Variants in MLLT3 observed in about 807,000 individuals in gnomAD.
MLLT3 encodes the protein protein AF-9.
Under a neutral mutation model 53.2 loss-of-function variants are expected in MLLT3, and 4 were observed. The ratio of observed to expected loss-of-function variants is 0.08; its 90% CI spans 0.04 to 0.17. The LOEUF (loss-of-function observed/expected upper bound fraction) is 0.17. Among genes scored for constraint, MLLT3 ranks in the 10% least tolerant of loss-of-function variants. The pLI is 1.00. For synonymous variants in MLLT3, 283 were observed against 230.6 expected (o/e 1.23, Z -2.06); for missense variants, 569 against 684.0 (o/e 0.83, Z 1.87).
chr9:20,593,229 G>T (rs193283722), intron 2 of MLLT3, among the ~76,000 whole-genome samples: 1 of 152,194 alleles, frequency 6.6e-6, no homozygotes, highest in Admixed American at 6.5e-5. Context: ...TCTTCCCTTG[G>T]AACCACCTCC....
intron 2 of MLLT3, among the ~76,000 whole-genome samples, chr9:20,596,155 A>G (rs1820256299): frequency 1.3e-5 from 2 of 152,216 alleles, no homozygotes; most frequent in South Asian, 4.1e-4. Context: ...TTATCACCAG[A>G]TAATTCTGTA....
Position 20,344,243 on chromosome 9 carries a change from A to G in MLLT3, c.*2200T>C, listed in dbSNP as rs939120768. On this transcript the variant is annotated 3_prime_UTR_variant, in exon 11 of 11. Transcript: ENST00000380338. The stretch of plus-strand genomic sequence containing the variant: ...GAAAAAATTTTTACATTGGCAAATC[A>G]TATTTTTTGCCCCACAATTTAGTTA... The G allele has an allele frequency of 5.0e-5, 10 of 198,450 alleles. No homozygotes were observed. Among genetic ancestry groups the G allele is most frequent in the African/African-American group, 2.3e-4 (10 of 43,372 alleles). 12.3% of individuals were successfully genotyped at this position (198,450 alleles called of 1,614,324 possible). A position where few individuals can be genotyped will look rare whatever the true frequency, so the allele number is the denominator to read the frequency against.
intron 2 of MLLT3, among the ~76,000 whole-genome samples, chr9:20,578,675 T>C (rs1303701861): frequency 1.3e-5 from 2 of 152,088 alleles, no homozygotes; most frequent in Admixed American, 1.3e-4. Flanking sequence ...TTAAATTATA[T>C]TTTATTTTAA....
chr9:20,350,321 C>T (rs565688989), intron 10 of MLLT3, among the ~76,000 whole-genome samples: 44 of 152,264 alleles, frequency 2.9e-4, no homozygotes, highest in Admixed American at 2.0e-3. Flanking sequence ...GGCGGCCGGG[C>T]GCGGTGGCTC....
chr9:20,535,656 A>G (rs1818463006), intron 2 of MLLT3, among the ~76,000 whole-genome samples: 1 of 152,202 alleles, frequency 6.6e-6, no homozygotes, highest in Admixed American at 6.5e-5. Context: ...GCACACGTTT[A>G]GGATTACAAT....
intron 2 of MLLT3, among the ~76,000 whole-genome samples, chr9:20,601,118 G>A (rs900691615): frequency 3.4e-5 from 5 of 145,750 alleles, no homozygotes; most frequent in Non-Finnish European, 7.5e-5. Flanking sequence ...ATTTGACAAC[G>A]TCAAAACGTC....
At chr9:20,451,737 A>T (rs756168575) in intron 3 of MLLT3, among the ~76,000 whole-genome samples, 2 of 152,144 alleles carry the variant, frequency 1.3e-5, no homozygotes, top group Non-Finnish European at 2.9e-5. Flanking sequence ...TGGCAATATC[A>T]AGTTACCCTC....
chr9:20,375,323 G>GA (rs890812244), intron 5 of MLLT3, among the ~76,000 whole-genome samples: 7 of 152,028 alleles, frequency 4.6e-5, no homozygotes, highest in Non-Finnish European at 7.4e-5. Flanking sequence ...TATTAACTTT[G>GA]AAAAAGGGCA....
rs142991670 is a variant in MLLT3, at chr9:20,417,168, G to T, written c.421-2743C>A. Among the ~76,000 whole-genome samples the T allele has an allele frequency of 5.8e-3, 841 of 145,836 alleles. 11 individuals are homozygous for T. The highest frequency in any genetic ancestry group is 0.02 in the African/African-American group (807 of 39,832). ...GAATAAAAGCTTTCACTGATTTTCA[G>T]CCTATCTGATATTTATATATATATA... On this transcript the variant is annotated intron_variant, in intron 4 of 10. Transcript: ENST00000380338.
chr9:20,396,790 T>A (rs1270604879), intron 5 of MLLT3, among the ~76,000 whole-genome samples: 1 of 151,782 alleles, frequency 6.6e-6, no homozygotes, highest in Non-Finnish European at 1.5e-5. Context: ...AATGGAATAA[T>A]GGAAGAAAGA....
chr9:20,529,369 C>G (rs1375348250), intron 2 of MLLT3, among the ~76,000 whole-genome samples: 1 of 152,170 alleles, frequency 6.6e-6, no homozygotes, highest in South Asian at 2.1e-4. Context: ...TTAAAAATCA[C>G]GTTTGTAACT....
At chr9:20,459,898 G>A (rs922022986) in intron 2 of MLLT3, among the ~76,000 whole-genome samples, 2 of 152,040 alleles carry the variant, frequency 1.3e-5, no homozygotes, top group Non-Finnish European at 2.9e-5. Context: ...GCAAACAACA[G>A]GAACTTTTTA....
chr9:20,362,239 C>A (rs1413337292), intron 7 of MLLT3, among the ~76,000 whole-genome samples: 1 of 152,156 alleles, frequency 6.6e-6, no homozygotes, highest in African/African-American at 2.4e-5. Flanking sequence ...GATGACCACA[C>A]AGACTCAGGA....
intron 9 of MLLT3, among the ~76,000 whole-genome samples, chr9:20,354,050 G>A (rs776316746): frequency 3.2e-4 from 49 of 152,124 alleles, no homozygotes; most frequent in Admixed American, 2.0e-4. Context: ...AATTAAGTCA[G>A]GGGAATTTTG....
intron 4 of MLLT3, among the ~76,000 whole-genome samples, chr9:20,445,110 G>T (rs554455188): frequency 6.6e-6 from 1 of 151,874 alleles, no homozygotes; most frequent in East Asian, 1.9e-4. Flanking sequence ...AAAAAAGTTC[G>T]TCGGGCTAGA....
intron 2 of MLLT3, among the ~76,000 whole-genome samples, chr9:20,467,877 G>A (rs1297821276): frequency 2.6e-5 from 4 of 152,190 alleles, no homozygotes; most frequent in African/African-American, 4.8e-5. Flanking sequence ...TGTAATAATT[G>A]GCAGGTGTTT....
At chr9:20,533,703 GAAT>G (rs1818402459) in intron 2 of MLLT3, among the ~76,000 whole-genome samples, 1 of 152,180 alleles carries the variant, frequency 6.6e-6, no homozygotes, top group Admixed American at 6.5e-5. Flanking sequence ...ATAAGCAACA[GAAT>G]ATTATTCAGT....
intron 5 of MLLT3, among the ~76,000 whole-genome samples, chr9:20,408,737 A>G (rs1046049656): frequency 1.3e-5 from 2 of 152,230 alleles, no homozygotes; most frequent in African/African-American, 4.8e-5. Context: ...TCTGACTGCA[A>G]CAACCTTCCA....
intron 2 of MLLT3, among the ~76,000 whole-genome samples, chr9:20,619,449 TC>T (rs1347580708): frequency 6.6e-6 from 1 of 152,242 alleles, no homozygotes; most frequent in Admixed American, 6.5e-5. Flanking sequence ...GCTTCTCCTT[TC>T]TTTATTCAGC....
Sources: gnomAD v4.1 joint callset for allele counts (sites outside exome capture counted in the v4.1 genomes callset) on GRCh38, gnomAD v4.1.1 for gene constraint, MANE v1.5 for transcripts, NCBI Gene and HGNC (gene_info 2026-07-23, HGNC 2026-07-21) for gene names.